SSBP2: variants seen among roughly 807,000 people sequenced by gnomAD.
SSBP2 encodes single-stranded DNA-binding protein 2.
Under a neutral mutation model 61.8 loss-of-function variants are expected in SSBP2, and 17 were observed. The ratio of observed to expected loss-of-function variants is 0.28; its 90% confidence interval spans 0.19 to 0.41. SSBP2 has a LOEUF of 0.41. Ranked by LOEUF, SSBP2 falls within the 10% of genes least tolerant of loss-of-function variation. The pLI, the probability that SSBP2 is intolerant of heterozygous loss-of-function variation, is 1.00. For missense variants in SSBP2, 310 were observed against 458.7 expected, an observed-to-expected ratio of 0.68 and a Z score of 2.96; for synonymous variants, 139 against 141.3, an observed-to-expected ratio of 0.98 and a Z score of 0.12.
At chr5:81,727,843 C>T (rs1398690314) in intron 1 of SSBP2, among the ~76,000 whole-genome samples, 1 of 152,136 alleles carries the variant, frequency 6.6e-6, no homozygotes. Context: ...TAGTAATTAA[C>T]TAATTTCACT....
chr5:81,750,006 C>T (rs1010042520), intron 1 of SSBP2, among the ~76,000 whole-genome samples: 1 of 152,034 alleles, frequency 6.6e-6, no homozygotes, highest in Non-Finnish European at 1.5e-5. Flanking sequence ...TCCCACAACT[C>T]CCCTCCGCGC....
chr5:81,751,029 C>T lies in SSBP2; in HGVS notation c.14G>A (p.Gly5Asp), dbSNP rs1242398509. ...CGGGACGGCGCTGCTGTTACTCTTG[C>T]CTTTGCCGTACATGCTTGTGCCGAG... is the stretch of plus-strand genomic sequence containing the variant. Residue 5 changes from glycine (G) to aspartate (D), a missense_variant, in exon 1 of 17, where the codon GGC becomes GAC. By Grantham distance (94) the Gly-to-Asp change is moderately conservative. Around this residue, in one of 4 missense-constraint regions of SSBP2, gnomAD observed 36 missense variants for 27.0 expected, o/e 1.33. Coordinates refer to ENST00000320672, the MANE Select transcript of SSBP2 (RefSeq NM_012446.5). The T allele has an allele frequency of 1.3e-6, 2 of 1,598,818 alleles. No individual in the cohort carries two copies. Among genetic ancestry groups the T allele is most frequent in the Non-Finnish European group, 1.7e-6 (2 of 1,172,818 alleles).
chr5:81,564,481 T>A (rs988835694), intron 4 of SSBP2, among the ~76,000 whole-genome samples: 2 of 152,208 alleles, frequency 1.3e-5, no homozygotes, highest in Non-Finnish European at 2.9e-5. Context: ...ACATTTTCAT[T>A]GTCTATTCTA....
At chr5:81,543,794 T>C (rs1036289301) in intron 4 of SSBP2, among the ~76,000 whole-genome samples, 3 of 152,194 alleles carry the variant, frequency 2.0e-5, no homozygotes, top group Non-Finnish European at 4.4e-5. Context: ...AACAAATAAA[T>C]GTCATTTAAA....
chr5:81,744,289 TTTAC>T (rs1475381991), intron 1 of SSBP2, among the ~76,000 whole-genome samples: 4 of 152,236 alleles, frequency 2.6e-5, no homozygotes, highest in Non-Finnish European at 5.9e-5. Flanking sequence ...GAATAATTTA[TTTAC>T]TTAGATTTCT....
At chr5:81,686,862 AAAAAAAAAAAGAAAAGAAAAGAAAAG>A (rs1187842393) in intron 1 of SSBP2, among the ~76,000 whole-genome samples, 1 of 112,750 alleles carries the variant, frequency 8.9e-6, no homozygotes, top group African/African-American at 3.7e-5. Context: ...CTCAAAAAAA[AAAAAAAAAAAGAAAAGAAAAGAAAAG>A]AAAAGAAAAG....
At chr5:81,625,418 T>C (rs554160784) in intron 3 of SSBP2, among the ~76,000 whole-genome samples, 88 of 151,542 alleles carry the variant, frequency 5.8e-4, no homozygotes, top group Admixed American at 1.2e-3. Flanking sequence ...CCTACAACTA[T>C]TAAACATGAA....
rs965461621 is a variant in SSBP2, at chr5:81,419,128, G to C, written c.*1376C>G. The C allele has an allele frequency of 2.6e-5, 4 of 152,126 alleles. No homozygotes were observed. Among genetic ancestry groups the C allele is most frequent in the Non-Finnish European group, 4.4e-5 (3 of 68,020 alleles). The allele number at this position is 152,126 out of a possible 1,614,324, so 9.4% of individuals were successfully genotyped here. On this transcript the variant is annotated 3_prime_UTR_variant, in exon 17 of 17. Coordinates refer to ENST00000320672, the MANE Select transcript of SSBP2 (RefSeq NM_012446.5). ...AGATCTGGAAAGTGCCATAGAGCAA[G>C]GTGCTTTCCATAAGGGAATTAGATT...
At chr5:81,692,896 T>C (rs1023483333) in intron 1 of SSBP2, among the ~76,000 whole-genome samples, 2 of 152,070 alleles carry the variant, frequency 1.3e-5, no homozygotes, top group Admixed American at 1.3e-4. Context: ...CCTCAAACTA[T>C]AAAACTCTTA....
chr5:81,749,861 G>A (rs372218102), intron 1 of SSBP2, among the ~76,000 whole-genome samples: 1 of 152,092 alleles, frequency 6.6e-6, no homozygotes, highest in African/African-American at 2.4e-5. Context: ...TCCCACCGAA[G>A]TTAACACCTG....
chr5:81,597,272 C>G (rs1743860141), intron 4 of SSBP2, among the ~76,000 whole-genome samples: 1 of 152,234 alleles, frequency 6.6e-6, no homozygotes, highest in African/African-American at 2.4e-5. Flanking sequence ...CTCATCATCA[C>G]TGGCCATCAG....
At chr5:81,591,320 T>C (rs1309175808) in intron 4 of SSBP2, among the ~76,000 whole-genome samples, 7 of 152,160 alleles carry the variant, frequency 4.6e-5, no homozygotes, top group African/African-American at 9.7e-5. Flanking sequence ...GGCATGCCAA[T>C]CACTAGGCAT....
chr5:81,466,110 C>G (rs1377083791), intron 9 of SSBP2, among the ~76,000 whole-genome samples: 3 of 151,664 alleles, frequency 2.0e-5, no homozygotes, highest in Non-Finnish European at 4.4e-5. Flanking sequence ...CTGATGGAAA[C>G]ACACTTGAGG....
intron 2 of SSBP2, among the ~76,000 whole-genome samples, chr5:81,640,026 G>C (rs1466890263): frequency 6.6e-6 from 1 of 151,852 alleles, no homozygotes; most frequent in Non-Finnish European, 1.5e-5. Flanking sequence ...CAAGTAATTT[G>C]TTCTCAAAAA....
chr5:81,681,453 G>A (rs1320154136), intron 1 of SSBP2, among the ~76,000 whole-genome samples: 2 of 150,106 alleles, frequency 1.3e-5, no homozygotes, highest in Non-Finnish European at 2.9e-5. Context: ...CCAACAGGCA[G>A]AGGTTGCAGT....
At chr5:81,542,638 T>C (rs1580971591) in intron 4 of SSBP2, among the ~76,000 whole-genome samples, 1 of 80,106 alleles carries the variant, frequency 1.2e-5, no homozygotes, top group African/African-American at 3.6e-5. Context: ...GTCATGGTGA[T>C]ATGGTTTGGT....
intron 2 of SSBP2, among the ~76,000 whole-genome samples, chr5:81,643,420 C>T (rs566009740): frequency 6.6e-6 from 1 of 151,966 alleles, no homozygotes; most frequent in South Asian, 2.1e-4. Flanking sequence ...AAGAAAATAA[C>T]CTGTATACCT....
intron 6 of SSBP2, among the ~76,000 whole-genome samples, chr5:81,481,359 C>T (rs1580793566): frequency 6.6e-6 from 1 of 152,074 alleles, no homozygotes; most frequent in Non-Finnish European, 1.5e-5. Context: ...CAGTGGCTCA[C>T]GCCTGTAATC....
At chr5:81,668,729 A>C (rs189686723) in intron 1 of SSBP2, among the ~76,000 whole-genome samples, 181 of 152,260 alleles carry the variant, frequency 1.2e-3, no homozygotes, top group Non-Finnish European at 2.0e-3. Context: ...TTTACAAAAA[A>C]ATTTTGGAAT....
Sources: gnomAD v4.1 joint callset for allele counts (sites outside exome capture counted in the v4.1 genomes callset) on GRCh38, gnomAD v4.1.1 for gene constraint, gnomAD v4.1.1 regional missense constraint, MANE v1.5 for transcripts, NCBI Gene and HGNC (gene_info 2026-07-23, HGNC 2026-07-21) for gene names.